LARGE1: variants seen among roughly 807,000 people sequenced by gnomAD.
LARGE1 encodes the protein xylosyl- and glucuronyltransferase LARGE1.
LARGE1 carries 43 observed loss-of-function variants against 87.6 expected under a neutral mutation model. The ratio of observed to expected loss-of-function variants is 0.49; its 90% CI spans 0.38 to 0.63. The LOEUF (loss-of-function observed/expected upper bound fraction) is 0.63. LARGE1 is among the 30% of genes least tolerant of loss of function. The probability of loss-of-function intolerance (pLI) is 0.00; values close to 1 mark genes in which losing one functional copy is unlikely to be tolerated. For missense variants in LARGE1, 802 were observed against 1,000.2 expected (o/e 0.80, Z 2.67); for synonymous variants, 434 against 394.6 (o/e 1.10, Z -1.18).
intron 9 of LARGE1, among the ~76,000 whole-genome samples, chr22:33,345,221 A>G (rs535527970): frequency 2.6e-4 from 39 of 152,306 alleles, no homozygotes; most frequent in Non-Finnish European, 4.9e-4. Flanking sequence ...TTACTATGTT[A>G]CCTGTCAGAT....
intron 2 of LARGE1, among the ~76,000 whole-genome samples, chr22:33,696,953 A>G (rs2082271118): frequency 6.6e-6 from 1 of 152,116 alleles, no homozygotes; most frequent in Non-Finnish European, 1.5e-5. Flanking sequence ...TCTCTCATTT[A>G]CAATAGGATT....
At chr22:33,770,804 C>A (rs1463349751) in intron 1 of LARGE1, among the ~76,000 whole-genome samples, 1 of 152,190 alleles carries the variant, frequency 6.6e-6, no homozygotes, top group Non-Finnish European at 1.5e-5. Context: ...CAATCCCCCA[C>A]ATCACACCAA....
chr22:33,302,104 C>T (rs1934227416), intron 12 of LARGE1, among the ~76,000 whole-genome samples: 1 of 152,182 alleles, frequency 6.6e-6, no homozygotes, highest in Non-Finnish European at 1.5e-5. Context: ...CACTCACTCC[C>T]ATCATCTATC....
Position 33,626,328 on chromosome 22 carries a change from T to A in LARGE1, c.409-2A>T. On this transcript the variant is annotated splice_acceptor_variant, in intron 3 of 14. Transcript: ENST00000397394. LOFTEE classifies it high-confidence loss of function. Reference sequence around the variant, plus strand: ...GCAGACAATAGCAACGTGGATTGTCTGGGAAGAAAAGAAGACGGGGTGAGC... The same window carrying A: ...GCAGACAATAGCAACGTGGATTGTCAGGGAAGAAAAGAAGACGGGGTGAGC... 6.2e-7 allele frequency: 1 copy of A among 1,613,648 alleles called. No individual in the cohort carries two copies. Among genetic ancestry groups the A allele is most frequent in the Non-Finnish European group, 8.5e-7 (1 of 1,179,640 alleles).
chr22:33,260,830 C>T (rs2145746193), intron 11 of LARGE1, among the ~76,000 whole-genome samples: 1 of 152,316 alleles, frequency 6.6e-6, no homozygotes, highest in South Asian at 2.1e-4. Flanking sequence ...CTTGCAGGCT[C>T]TGGCAGGTTC....
chr22:33,503,770 G>C lies in LARGE1; in HGVS notation c.787+61078C>G, dbSNP rs533942888. Among the ~76,000 whole-genome samples, 13 of 151,936 alleles carry C rather than the reference G, an allele frequency of 8.6e-5. No individual in the cohort carries two copies. In the South Asian group the frequency reaches 2.7e-3, roughly 32 times the overall value. On this transcript the variant is annotated intron_variant, in intron 6 of 14. Coordinates refer to ENST00000397394, the MANE Select transcript of LARGE1 (RefSeq NM_133642.5). ...GCCAAGATCGCATCACTGCACTCTAGCCTGGGCGACAGAGCAAGACTCTGT... is the reference window on the plus strand; with the variant it reads ...GCCAAGATCGCATCACTGCACTCTACCCTGGGCGACAGAGCAAGACTCTGT...
chr22:33,659,927 TGAA>T (rs1409390919), intron 2 of LARGE1, among the ~76,000 whole-genome samples: 1 of 152,032 alleles, frequency 6.6e-6, no homozygotes. Flanking sequence ...GTCAAGAAAA[TGAA>T]GACATTTTTA....
chr22:33,615,902 C>A (rs939240107), intron 4 of LARGE1, among the ~76,000 whole-genome samples: 4 of 152,052 alleles, frequency 2.6e-5, no homozygotes, highest in Non-Finnish European at 5.9e-5. Flanking sequence ...AAATGGCCAA[C>A]AAGCACACGA....
intron 6 of LARGE1, among the ~76,000 whole-genome samples, chr22:33,517,429 T>A (rs1256202780): frequency 6.6e-6 from 1 of 152,182 alleles, no homozygotes; most frequent in Non-Finnish European, 1.5e-5. Context: ...ACAGTCTCGC[T>A]CTGTTGCCCA....
At chr22:33,216,719 C>T (rs185138481) in intron 11 of LARGE1, among the ~76,000 whole-genome samples, 1 of 151,022 alleles carries the variant, frequency 6.6e-6, no homozygotes, top group African/African-American at 2.4e-5. Flanking sequence ...GAGTAAAGCC[C>T]CAGTGATACT....
At chr22:33,525,793 G>A (rs1024331776) in intron 6 of LARGE1, among the ~76,000 whole-genome samples, 5 of 152,186 alleles carry the variant, frequency 3.3e-5, no homozygotes, top group African/African-American at 4.8e-5. Flanking sequence ...AAGACACAGC[G>A]GATTGGTATT....
the LARGE1 span, among the ~76,000 whole-genome samples, chr22:33,074,363 G>T: frequency 6.6e-6 from 1 of 152,114 alleles, no homozygotes. Flanking sequence ...ATGGCCTTAA[G>T]AAAAATAAAT....
intron 1 of LARGE1, among the ~76,000 whole-genome samples, chr22:33,896,285 G>A (rs2065143144): frequency 6.6e-6 from 1 of 152,214 alleles, no homozygotes; most frequent in Non-Finnish European, 1.5e-5. Context: ...TTTGAAGGCT[G>A]AATAAATTCC....
intron 6 of LARGE1, among the ~76,000 whole-genome samples, chr22:33,446,806 G>A (rs1035500159): frequency 2.0e-5 from 3 of 152,208 alleles, no homozygotes; most frequent in African/African-American, 7.2e-5. Flanking sequence ...GGCACCATCT[G>A]CACAGAGGCA....
the LARGE1 span, among the ~76,000 whole-genome samples, chr22:33,078,099 G>A: frequency 7.2e-5 from 11 of 152,090 alleles, no homozygotes; most frequent in South Asian, 1.7e-3. Flanking sequence ...AATTTTCTCC[G>A]GTGATTTCTC....
intron 6 of LARGE1, among the ~76,000 whole-genome samples, chr22:33,487,255 A>G (rs1260561403): frequency 2.0e-5 from 3 of 152,208 alleles, no homozygotes; most frequent in African/African-American, 7.2e-5. Flanking sequence ...AATCGGGATA[A>G]AGAGTCTATT....
intron 11 of LARGE1, among the ~76,000 whole-genome samples, chr22:33,171,225 T>C (rs537769951): frequency 2.0e-5 from 3 of 152,220 alleles, no homozygotes; most frequent in African/African-American, 7.2e-5. Flanking sequence ...TTCAGTCATA[T>C]GGGTTCACGA....
At chr22:33,921,679 C>T (rs773208834), upstream of LARGE1, among the ~76,000 whole-genome samples, 14 of 152,202 alleles carry the variant, frequency 9.2e-5, no homozygotes, top group Non-Finnish European at 1.9e-4. The surrounding 1 kb of genome is among the most constrained non-coding windows in gnomAD (Gnocchi z 4.1). Context: ...ACACACACCC[C>T]ATGCACGCAC....
chr22:33,325,318 ACT>A (rs1206863231), intron 10 of LARGE1, among the ~76,000 whole-genome samples: 4 of 152,202 alleles, frequency 2.6e-5, no homozygotes, highest in African/African-American at 4.8e-5. Context: ...GTTAAGAATA[ACT>A]CTGTGATACA....
Sources: allele counts gnomAD v4.1 joint callset (sites outside exome capture counted in the v4.1 genomes callset), GRCh38; gene constraint gnomAD v4.1.1; non-coding constraint Gnocchi (gnomAD v3.1); transcripts MANE v1.5; gene names NCBI Gene and HGNC (gene_info 2026-07-23, HGNC 2026-07-21).